PPM1H: variants seen among roughly 807,000 people sequenced by gnomAD.
PPM1H encodes protein phosphatase 1H.
PPM1H carries 27 observed loss-of-function variants against 54.9 expected under a neutral mutation model. The observed-to-expected ratio is 0.49, with a 90% CI of 0.36 to 0.68. The LOEUF (loss-of-function observed/expected upper bound fraction) is 0.68. Ranked by LOEUF, PPM1H falls within the 30% of genes least tolerant of loss-of-function variation. PPM1H has a pLI of 0.00. For synonymous variants in PPM1H, 305 were observed against 270.8 expected (o/e 1.13, Z -1.24); for missense variants, 596 against 667.8 (o/e 0.89, Z 1.19).
chr12:62,806,473 T>C (rs756653200), intron 2 of PPM1H, among the ~76,000 whole-genome samples: 2 of 152,200 alleles, frequency 1.3e-5, no homozygotes, highest in South Asian at 2.1e-4. Flanking sequence ...CACTGACTGA[T>C]ACGGTTTGGA....
intron 2 of PPM1H, among the ~76,000 whole-genome samples, chr12:62,822,917 G>A (rs2076913093): frequency 6.6e-6 from 1 of 152,082 alleles, no homozygotes; most frequent in Non-Finnish European, 1.5e-5. Context: ...AGGAGATAGA[G>A]ACACAAAAAA....
At position 62,644,606 on chromosome 12, in the gene PPM1H, C is replaced by T. The variant is rs1040212674; in HGVS notation, c.*3883G>A. On this transcript the variant is annotated 3_prime_UTR_variant, in exon 10 of 10. Coordinates refer to ENST00000228705, the MANE Select transcript of PPM1H (RefSeq NM_020700.2). ...CCGGCACTCCATCTGACAAAAGCCA[C>T]AGTGCTCACAGAAGAGGCAAGTCAG... 2 of 152,250 alleles carry T rather than the reference C, an allele frequency of 1.3e-5. No individual in the cohort carries two copies. Among genetic ancestry groups the T allele is most frequent in the African/African-American group, 4.8e-5 (2 of 41,462 alleles). The allele number at this position is 152,250 out of a possible 1,614,324, so 9.4% of individuals were successfully genotyped here.
At chr12:62,904,871 C>T (rs1445151874) in intron 1 of PPM1H, among the ~76,000 whole-genome samples, 1 of 152,074 alleles carries the variant, frequency 6.6e-6, no homozygotes, top group Admixed American at 6.6e-5. Flanking sequence ...TCAATGCAAA[C>T]CTATAAGCTT....
At chr12:62,811,790 T>C (rs11174666) in intron 2 of PPM1H, among the ~76,000 whole-genome samples, 9,975 of 152,272 alleles carry the variant, frequency 0.066, 441 homozygotes, top group Middle Eastern at 0.12. Context: ...TGATTGTAAG[T>C]TTGCTGAGGC....
chr12:62,779,211 T>A (rs2076628112), intron 4 of PPM1H, among the ~76,000 whole-genome samples: 1 of 151,974 alleles, frequency 6.6e-6, no homozygotes, highest in South Asian at 2.1e-4. Flanking sequence ...CTAATTTTTG[T>A]AATATATATA....
At chr12:62,927,323 T>G (rs779351694) in intron 1 of PPM1H, among the ~76,000 whole-genome samples, 4 of 152,154 alleles carry the variant, frequency 2.6e-5, no homozygotes, top group East Asian at 3.9e-4. Flanking sequence ...GATTCATGAA[T>G]GGGAAGCCCT....
At chr12:62,908,407 C>CAAAAA (rs751766456) in intron 1 of PPM1H, among the ~76,000 whole-genome samples, 5 of 96,806 alleles carry the variant, frequency 5.2e-5, no homozygotes, top group African/African-American at 8.0e-5. Flanking sequence ...GACTCCGTCT[C>CAAAAA]AAAAAAAAAA....
At chr12:62,755,772 C>T in intron 4 of PPM1H, 1 of 934,432 alleles carries the variant, frequency 1.1e-6, no homozygotes. Context: ...CATGCCATCA[C>T]TGCCACCCAG....
intron 8 of PPM1H, among the ~76,000 whole-genome samples, chr12:62,673,037 TCAAA>T (rs2075965256): frequency 6.6e-6 from 1 of 152,226 alleles, no homozygotes; most frequent in Non-Finnish European, 1.5e-5. Flanking sequence ...TTCCAAATCG[TCAAA>T]CAAATGTAAT....
intron 7 of PPM1H, among the ~76,000 whole-genome samples, chr12:62,691,535 G>A (rs1471193432): frequency 1.3e-5 from 2 of 152,034 alleles, no homozygotes; most frequent in African/African-American, 2.4e-5. Context: ...ATAAAGACAC[G>A]AGACACAGCC....
At chr12:62,683,035 TA>T (rs1216273411) in intron 8 of PPM1H, among the ~76,000 whole-genome samples, 4,966 of 24,956 alleles carry the variant, frequency 0.2, 120 homozygotes, top group Middle Eastern at 0.26. Flanking sequence ...GTTTATTATT[TA>T]TTATTATTAT....
intron 6 of PPM1H, 47 bp from the exon 7 acceptor site, chr12:62,694,046 T>A: frequency 6.5e-7 from 1 of 1,529,636 alleles, no homozygotes; most frequent in Non-Finnish European, 8.9e-7. Flanking sequence ...ACTCAATTAG[T>A]GACCTGCTGC....
chr12:62,768,459 A>G (rs78868985), intron 4 of PPM1H, among the ~76,000 whole-genome samples: 16,364 of 152,110 alleles, frequency 0.11, 959 homozygotes, highest in South Asian at 0.18. Flanking sequence ...TTCGAGACCA[A>G]CCTGGCCAAC....
intron 2 of PPM1H, among the ~76,000 whole-genome samples, chr12:62,804,927 G>T (rs1226248651): frequency 2.0e-5 from 3 of 151,770 alleles, no homozygotes; most frequent in Non-Finnish European, 4.4e-5. Flanking sequence ...CGCCCGCCTC[G>T]GCCTCCCAAA....
chr12:62,814,681 G>A (rs2076855209), intron 2 of PPM1H, among the ~76,000 whole-genome samples: 1 of 152,142 alleles, frequency 6.6e-6, no homozygotes, highest in African/African-American at 2.4e-5. Context: ...ACAACCGGTG[G>A]AGGGGCCATA....
At chr12:62,854,323 T>C (rs1398831461) in intron 1 of PPM1H, among the ~76,000 whole-genome samples, 1 of 152,184 alleles carries the variant, frequency 6.6e-6, no homozygotes, top group East Asian at 1.9e-4. Context: ...GTTACTCTGG[T>C]CTGCTGCAAC....
rs1178226261 is a variant in PPM1H at position 62,934,370 on chromosome 12, G to C, written c.245+122C>G. The C allele has an allele frequency of 7.6e-7, 1 of 1,312,492 alleles. No homozygotes were observed. The highest frequency in any genetic ancestry group is 1.0e-6 in the Non-Finnish European group (1 of 1,002,522). 81.3% of individuals were successfully genotyped at this position (1,312,492 alleles called of 1,614,324 possible). On this transcript the variant is annotated intron_variant, in intron 1 of 9. Transcript: ENST00000228705. The surrounding 1 kb of genome is among the most constrained non-coding windows in gnomAD (Gnocchi z 4.2). The stretch of plus-strand genomic sequence containing the variant: ...GTGTAAGTAAAGAGCTCCCCGCCGA[G>C]GCCTGGACGCCGGCAGCTAGTGAGA...
rs759969931 is a variant in PPM1H, at chr12:62,876,222, C to T, written c.246-43943G>A. Reference sequence around the variant, plus strand: ...TCTAAAAACAAAGTGTACAAATACACGGAGAGCAGAAATTTAGGAGATGCT... The same window carrying T: ...TCTAAAAACAAAGTGTACAAATACATGGAGAGCAGAAATTTAGGAGATGCT... On this transcript the variant is annotated intron_variant, in intron 1 of 9. Transcript: ENST00000228705. 9.2e-5 allele frequency among the ~76,000 whole-genome samples: 14 copies of T among 152,098 alleles called. 1 individual carries two copies. The highest frequency in any genetic ancestry group is 1.9e-4 in the African/African-American group (8 of 41,422).
chr12:62,784,791 C>T (rs1427782273), intron 4 of PPM1H, among the ~76,000 whole-genome samples: 1 of 152,192 alleles, frequency 6.6e-6, no homozygotes, highest in Non-Finnish European at 1.5e-5. Flanking sequence ...GCAAACTAGA[C>T]AACAATCCTA....
Sources: gnomAD v4.1 joint callset for allele counts (sites outside exome capture counted in the v4.1 genomes callset) on GRCh38, gnomAD v4.1.1 for gene constraint, Gnocchi (gnomAD v3.1) non-coding constraint, MANE v1.5 for transcripts, NCBI Gene and HGNC (gene_info 2026-07-23, HGNC 2026-07-21) for gene names.